Variants in HEATR5B observed in about 807,000 individuals in gnomAD.
The protein encoded by HEATR5B is HEAT repeat-containing protein 5B.
In HEATR5B, 156 loss-of-function variants were observed where a neutral mutation model predicts 224.1. That is an observed-to-expected ratio of 0.70 (90% CI 0.61 to 0.80). HEATR5B has a LOEUF of 0.80. HEATR5B is among the 30% of genes least tolerant of loss of function. The pLI is 0.00. For synonymous variants in HEATR5B, 1,027 were observed against 893.0 expected (o/e 1.15, Z -2.68); for missense variants, 2,323 against 2,535.5 (o/e 0.92, Z 1.80).
Position 37,040,429 on chromosome 2 carries a change from A to T in HEATR5B, c.2946T>A (p.Leu982=). ...AAGGCGGAACTGTCAACAGCAAGGTAAGAACTAGAGATAATGTTGGTTCCA... is the reference window on the plus strand; with the variant it reads ...AAGGCGGAACTGTCAACAGCAAGGTTAGAACTAGAGATAATGTTGGTTCCA... ...GYVEPTLSLV[L]TLLLTVPPSH... The change falls in exon 20 of 36, where the codon CTT becomes CTA. Residue 982 remains leucine, a synonymous_variant. Coordinates refer to ENST00000233099, the MANE Select transcript of HEATR5B (RefSeq NM_019024.3). 2 of 1,614,076 alleles carry T rather than the reference A, an allele frequency of 1.2e-6. No homozygotes were observed. The highest frequency in any genetic ancestry group is 2.2e-5 in the South Asian group (2 of 91,080).
chr2:37,024,990 T>C (rs1668678976), intron 24 of HEATR5B, among the ~76,000 whole-genome samples: 1 of 152,116 alleles, frequency 6.6e-6, no homozygotes, highest in African/African-American at 2.4e-5. Flanking sequence ...GGAAAGATAA[T>C]TCGGTGGTGT....
intron 24 of HEATR5B, among the ~76,000 whole-genome samples, chr2:37,026,988 G>C (rs898051288): frequency 6.6e-6 from 1 of 152,082 alleles, no homozygotes; most frequent in Non-Finnish European, 1.5e-5. Context: ...TAGTAGAGAT[G>C]GGGTTTCAGC....
At chr2:37,024,464 T>C (rs747813925) in intron 24 of HEATR5B, among the ~76,000 whole-genome samples, 4 of 152,226 alleles carry the variant, frequency 2.6e-5, no homozygotes, top group Admixed American at 6.5e-5. Context: ...TATTCTACAA[T>C]GTATGCATAC....
chr2:37,061,936 T>C lies in HEATR5B; in HGVS notation c.1696+3A>G, dbSNP rs771583245. 2 of 1,581,034 alleles carry C rather than the reference T, an allele frequency of 1.3e-6. No homozygotes were observed. The highest frequency in any genetic ancestry group is 1.7e-6 in the Non-Finnish European group (2 of 1,150,322). On this transcript the variant is annotated splice_donor_region_variant and intron_variant, in intron 11 of 35. Transcript: ENST00000233099. ...CAAAAATCCTACTCAAATATAATTA[T>C]ACCTAAAGTCATAAGTGCTCCAAGT...
chr2:37,021,812 G>A (rs916096014), intron 24 of HEATR5B, among the ~76,000 whole-genome samples: 1 of 151,222 alleles, frequency 6.6e-6, no homozygotes, highest in Admixed American at 6.6e-5. Flanking sequence ...CTTTGAACCT[G>A]GGAGGTCAAG....
At chr2:37,017,144 C>T (rs1294237459) in intron 26 of HEATR5B, among the ~76,000 whole-genome samples, 1 of 152,112 alleles carries the variant, frequency 6.6e-6, no homozygotes, top group African/African-American at 2.4e-5. Context: ...GAATCAGAAA[C>T]TAGGCCGGGC....
chr2:37,074,211 T>C (rs1027276621), intron 5 of HEATR5B, among the ~76,000 whole-genome samples: 1 of 151,276 alleles, frequency 6.6e-6, no homozygotes, highest in South Asian at 2.1e-4. Flanking sequence ...TAGTCCCAGC[T>C]ACTTGGGAGG....
Position 37,013,896 on chromosome 2 carries a change from T to C in HEATR5B, c.4229A>G (p.Tyr1410Cys). Residue 1410 changes from tyrosine to cysteine, a missense_variant, in exon 27 of 36, where the codon TAC becomes TGC. Transcript: ENST00000233099. ...QAGKGSSSQL[Y>C]RESATTMEKL... ...TTCCATGGTCGTGGCACTCTCTCGG[T>C]ACAGCTGGCTGGAAGATCCTTTTCC... 1.2e-6 allele frequency: 2 copies of C among 1,613,096 alleles called. No individual in the cohort carries two copies. Among genetic ancestry groups the C allele is most frequent in the Non-Finnish European group, 1.7e-6 (2 of 1,179,524 alleles).
intron 30 of HEATR5B, among the ~76,000 whole-genome samples, chr2:37,004,177 T>C (rs1001680495): frequency 6.6e-6 from 1 of 152,032 alleles, no homozygotes; most frequent in Non-Finnish European, 1.5e-5. Flanking sequence ...CCAATGAACC[T>C]AAATGAAATT....
intron 18 of HEATR5B, among the ~76,000 whole-genome samples, chr2:37,045,297 G>A (rs1428070983): frequency 2.0e-5 from 3 of 151,518 alleles, no homozygotes; most frequent in Non-Finnish European, 4.4e-5. Flanking sequence ...ACAGGATATT[G>A]TGAATTTTAT....
intron 35 of HEATR5B, among the ~76,000 whole-genome samples, chr2:36,983,927 A>G (rs1259037190): frequency 6.6e-6 from 1 of 151,120 alleles, no homozygotes; most frequent in Non-Finnish European, 1.5e-5. Flanking sequence ...GGCCGGACGC[A>G]GTGGCTCATG....
chr2:37,010,577 G>A (rs1379203676), intron 27 of HEATR5B, among the ~76,000 whole-genome samples: 3 of 151,056 alleles, frequency 2.0e-5, no homozygotes, highest in South Asian at 2.1e-4. Flanking sequence ...GCAGTGGTGC[G>A]ATCACAGCTC....
Position 37,049,661 on chromosome 2 carries a change from G to A in HEATR5B, c.2688C>T (p.Ser896=). 6.2e-7 allele frequency: 1 copy of A among 1,612,316 alleles called. No homozygotes were observed. Residue 896 remains serine, a synonymous_variant, in exon 18 of 36, where the codon AGC becomes AGT. Transcript: ENST00000233099. ...ATFIARMAQY[S]FDKLKSARDV... ...TAAAGAAACCCACTTACTTGTCAAA[G>A]CTATATTGGGCCATTCTAGCAATAA...
chr2:37,019,643 G>A (rs912540585), intron 26 of HEATR5B, among the ~76,000 whole-genome samples, 166 bp downstream of exon 26: 2 of 151,736 alleles, frequency 1.3e-5, no homozygotes, highest in Admixed American at 1.3e-4. Context: ...TTTTTGTAGA[G>A]ACGGGGTTTC....
intron 11 of HEATR5B, among the ~76,000 whole-genome samples, chr2:37,061,031 C>T (rs780219926): frequency 2.0e-5 from 3 of 152,014 alleles, no homozygotes; most frequent in Non-Finnish European, 4.4e-5. Context: ...AAAGGATAAC[C>T]CAACTGTATT....
chr2:36,991,084 G>GTTCAA (rs1336707771), intron 33 of HEATR5B, among the ~76,000 whole-genome samples: 1 of 152,090 alleles, frequency 6.6e-6, no homozygotes, highest in Non-Finnish European at 1.5e-5. Flanking sequence ...ACTGTAAGAA[G>GTTCAA]TTCAATGTAT....
rs781584844 is a variant in HEATR5B at position 37,058,498 on chromosome 2, A to C, written c.2012T>G (p.Leu671Ter). ...HLKASAAMVRLRLYDILALLP... is the reference protein window; with the variant it reads ...HLKASAAMVR ...CAAAGCCAAGATATCATAAAGTCTT[A>C]AACGGACCATTGCAGCACTAGCTTT... The change falls in exon 14 of 36, where the codon TTA (leucine) becomes TGA (stop). Residue 671 changes from leucine to a stop codon, truncating the protein, a stop_gained. Transcript: ENST00000233099. LOFTEE classifies it high-confidence loss of function. 1 of 1,613,376 alleles carries C rather than the reference A, an allele frequency of 6.2e-7. No homozygotes were observed. The highest frequency in any genetic ancestry group is 1.1e-5 in the South Asian group (1 of 91,064).
rs200413682 is a variant in HEATR5B, at chr2:37,032,634, C to A, written c.3356G>T (p.Ser1119Ile). 2 of 1,612,158 alleles carry A rather than the reference C, an allele frequency of 1.2e-6. No homozygotes were observed. Among genetic ancestry groups the A allele is most frequent in the Middle Eastern group, 1.7e-4 (1 of 6,056 alleles). The change falls in exon 22 of 36, where the codon AGT (serine) becomes ATT (isoleucine). Residue 1119 changes from serine to isoleucine, a missense_variant. Physicochemically the swap from Ser to Ile is moderately radical, Grantham distance 142. Coordinates refer to ENST00000233099, the MANE Select transcript of HEATR5B (RefSeq NM_019024.3). Reference protein sequence around the residue: ...AKNTGDKESSSANVSPFAPGV... With the variant: ...AKNTGDKESSIANVSPFAPGV... ...TGACCAATAATATAACTTACTGGCA[C>A]TACTGCTCTCTTTGTCCCCTGTATT...
chr2:37,080,116 C>T (rs1672464686), intron 2 of HEATR5B, among the ~76,000 whole-genome samples: 1 of 152,124 alleles, frequency 6.6e-6, no homozygotes, highest in African/African-American at 2.4e-5. Context: ...TTCTTAGCAT[C>T]CTTAAAGACA....
Sources: allele counts gnomAD v4.1 joint callset (sites outside exome capture counted in the v4.1 genomes callset), GRCh38; gene constraint gnomAD v4.1.1; transcripts MANE v1.5; gene names NCBI Gene and HGNC (gene_info 2026-07-23, HGNC 2026-07-21).